Variants in ASNS observed in about 807,000 individuals in gnomAD.
The protein encoded by ASNS is asparagine synthetase (glutamine-hydrolyzing).
ASNS carries 37 observed loss-of-function variants against 62.6 expected under a neutral mutation model. The observed-to-expected ratio is 0.59, with a 90% CI of 0.45 to 0.78. The LOEUF is 0.78. Ranked by LOEUF, ASNS falls within the 30% of genes least tolerant of loss-of-function variation. The pLI is 0.00. For synonymous variants in ASNS, 207 were observed against 237.9 expected (o/e 0.87, Z 1.19); for missense variants, 520 against 682.4 (o/e 0.76, Z 2.65).
At chr7:97,861,344 T>C (rs933522848) in intron 4 of ASNS, among the ~76,000 whole-genome samples, 2 of 152,228 alleles carry the variant, frequency 1.3e-5, no homozygotes, top group Non-Finnish European at 1.5e-5. Flanking sequence ...AATTTTTGTA[T>C]ACGATGTTGG....
Position 97,855,212 on chromosome 7 carries a change from C to G in ASNS, c.1137+141G>C. ...TCTTTCTTCCCCAAGAGATAGAAAG[C>G]AAACACTATCAGATTCCCTTTTGTA... is the stretch of plus-strand genomic sequence containing the variant. On this transcript the variant is annotated intron_variant, in intron 9 of 12. Coordinates refer to ENST00000394308, the MANE Select transcript of ASNS (RefSeq NM_001673.5). 4 of 587,720 alleles carry G rather than the reference C, an allele frequency of 6.8e-6. No individual in the cohort carries two copies. The South Asian group carries it at 8.1e-5, about 12-fold the overall frequency. 36.4% of individuals were successfully genotyped at this position (587,720 alleles called of 1,614,324 possible). A position where few individuals can be genotyped will look rare whatever the true frequency, so the allele number is the denominator to read the frequency against.
chr7:97,883,974 T>A, the ASNS span, among the ~76,000 whole-genome samples: 1 of 120,304 alleles, frequency 8.3e-6, no homozygotes, highest in African/African-American at 3.6e-5. Flanking sequence ...GGCGACAGAG[T>A]GAGACTCCAT....
At chr7:97,882,625 T>TTAAATAAATAAATAAATAAA in the ASNS span, among the ~76,000 whole-genome samples, 13 of 142,388 alleles carry the variant, frequency 9.1e-5, 1 homozygote, top group Middle Eastern at 7.3e-3. Context: ...CAGAGAGAGA[T>TTAAATAAATAAATAAATAAA]TAAATAAATA....
the ASNS span, among the ~76,000 whole-genome samples, chr7:97,891,476 T>G: frequency 6.6e-6 from 1 of 152,210 alleles, no homozygotes; most frequent in Non-Finnish European, 1.5e-5. Flanking sequence ...AGTTCAGCAT[T>G]AACTCAAAAG....
chr7:97,924,181 C>A, the ASNS span, among the ~76,000 whole-genome samples: 13 of 152,232 alleles, frequency 8.5e-5, no homozygotes, highest in African/African-American at 3.1e-4. Flanking sequence ...TCTGGAGGGG[C>A]TTGAAATGTC....
chr7:97,895,481 G>C, the ASNS span, among the ~76,000 whole-genome samples: 1 of 152,194 alleles, frequency 6.6e-6, no homozygotes, highest in Non-Finnish European at 1.5e-5. Flanking sequence ...AAAACCTAAA[G>C]ACTCTACCAA....
At chr7:97,852,964 T>A in intron 12 of ASNS, 96 bp downstream of exon 12, 1 of 1,205,718 alleles carries the variant, frequency 8.3e-7, no homozygotes, top group African/African-American at 1.5e-5. Context: ...TCAAACTAAA[T>A]ACATGTATCA....
chr7:97,855,321 G>T, intron 9 of ASNS, 32 bp downstream of exon 9: 1 of 1,419,360 alleles, frequency 7.0e-7, no homozygotes, highest in Non-Finnish European at 9.9e-7. Flanking sequence ...TCTTAATATA[G>T]CATGAATATC....
chr7:97,852,610 T>C, intron 12 of ASNS, 142 bp from the exon 13 acceptor site: 1 of 807,934 alleles, frequency 1.2e-6, no homozygotes, highest in Non-Finnish European at 2.0e-6. Context: ...ACTTAGAAAA[T>C]GCTAAAGTAT....
chr7:97,878,000 C>T, the ASNS span, among the ~76,000 whole-genome samples: 3 of 152,180 alleles, frequency 2.0e-5, no homozygotes, highest in Non-Finnish European at 1.5e-5. Context: ...AACAGCAGGC[C>T]TGGGGAGAGA....
the ASNS span, among the ~76,000 whole-genome samples, chr7:97,889,671 C>T: frequency 1.3e-5 from 2 of 151,730 alleles, no homozygotes; most frequent in African/African-American, 4.8e-5. Flanking sequence ...ACTGTAGATA[C>T]AGCTATAAGA....
At chr7:97,904,355 G>A in the ASNS span, among the ~76,000 whole-genome samples, 1 of 150,730 alleles carries the variant, frequency 6.6e-6, no homozygotes, top group Admixed American at 6.6e-5. Flanking sequence ...GTCAGAATAG[G>A]TGAGGTTTTG....
At chr7:97,870,262 C>A in intron 1 of ASNS, 1 of 711,416 alleles carries the variant, frequency 1.4e-6, no homozygotes, top group Non-Finnish European at 2.3e-6. Context: ...CAGATACATT[C>A]CGTTTTGAGA....
At chr7:97,918,326 C>T in the ASNS span, among the ~76,000 whole-genome samples, 3 of 152,214 alleles carry the variant, frequency 2.0e-5, no homozygotes, top group Admixed American at 2.0e-4. Context: ...GACAGCCCAC[C>T]TCCAGGAACA....
the ASNS span, among the ~76,000 whole-genome samples, chr7:97,898,094 CT>C: frequency 2.1e-4 from 31 of 149,992 alleles, no homozygotes; most frequent in East Asian, 2.5e-3. Flanking sequence ...AGCGCGGATA[CT>C]TTTTTTTTTC....
At chr7:97,901,797 G>A in the ASNS span, among the ~76,000 whole-genome samples, 2 of 151,988 alleles carry the variant, frequency 1.3e-5, no homozygotes, top group African/African-American at 2.4e-5. Context: ...GGCCAACATG[G>A]TGAAACCCCG....
the ASNS span, among the ~76,000 whole-genome samples, chr7:97,924,465 G>A: frequency 2.0e-5 from 3 of 152,302 alleles, no homozygotes; most frequent in African/African-American, 7.2e-5. Flanking sequence ...TCTATATCTC[G>A]GCAGAGAAAG....
chr7:97,916,715 C>T, the ASNS span, among the ~76,000 whole-genome samples: 3 of 152,154 alleles, frequency 2.0e-5, no homozygotes, highest in Non-Finnish European at 4.4e-5. Flanking sequence ...AAGGGGGAGG[C>T]GGTGAGGATG....
At chr7:97,909,673 C>T in the ASNS span, among the ~76,000 whole-genome samples, 6 of 152,116 alleles carry the variant, frequency 3.9e-5, no homozygotes, top group South Asian at 2.1e-4. Context: ...ATGGCCCCCA[C>T]GTGGTGTTAA....
Sources: gnomAD v4.1 joint callset for allele counts (sites outside exome capture counted in the v4.1 genomes callset) on GRCh38, gnomAD v4.1.1 for gene constraint, MANE v1.5 for transcripts, NCBI Gene and HGNC (gene_info 2026-07-23, HGNC 2026-07-21) for gene names.